The following UNKL variants were observed in gnomAD, a reference collection of about 807,000 sequenced individuals.
The protein encoded by UNKL is unk like zinc finger.
UNKL carries 60 observed loss-of-function variants against 78.0 expected under a neutral mutation model. The observed-to-expected ratio is 0.77, with a 90% confidence interval of 0.63 to 0.95. The LOEUF is 0.95. Among genes scored for constraint, UNKL ranks in the 40% least tolerant of loss-of-function variants. The pLI, the probability that UNKL is intolerant of heterozygous loss-of-function variation, is 0.00. For synonymous variants in UNKL, 608 were observed against 474.8 expected (o/e 1.28, Z -3.65); for missense variants, 1,159 against 1,045.7 (o/e 1.11, Z -1.49).
At position 1,367,691 on chromosome 16, in the gene UNKL, G is replaced by T. The variant is rs757213369; in HGVS notation, c.1753C>A (p.Arg585=). 1 of 1,580,218 alleles carries T rather than the reference G, an allele frequency of 6.3e-7. No individual in the cohort carries two copies. Among genetic ancestry groups the T allele is most frequent in the Non-Finnish European group, 8.6e-7 (1 of 1,164,370 alleles). ...RQLDEAKRKI[R]QWEESWQQVK... ...TGCTGCCAGGACTCCTCCCACTGCCGGATCTTCCTCTTGGCCTCGTCCAGC... is the reference window on the plus strand; with the variant it reads ...TGCTGCCAGGACTCCTCCCACTGCCTGATCTTCCTCTTGGCCTCGTCCAGC... Residue 585 remains arginine, a synonymous_variant, in exon 13 of 15, where the codon CGG becomes AGG. Coordinates refer to ENST00000389221, the MANE Select transcript of UNKL (RefSeq NM_001372107.1).
At chr16:1,393,973 C>T (rs747918062) in intron 7 of UNKL, among the ~76,000 whole-genome samples, 158 bp downstream of exon 7, 34 of 152,354 alleles carry the variant, frequency 2.2e-4, no homozygotes, top group African/African-American at 6.7e-4. Context: ...GGAGCCTCCA[C>T]GGGCATGTCA....
chr16:1,384,103 G>A (rs1456832821), intron 10 of UNKL, among the ~76,000 whole-genome samples: 1 of 152,116 alleles, frequency 6.6e-6, no homozygotes, highest in African/African-American at 2.4e-5. Context: ...GCAGGTTTGG[G>A]TCCCTTGGGC....
chr16:1,367,756 G>T lies in UNKL; in HGVS notation c.1688C>A (p.Ala563Glu). The change falls in exon 13 of 15, where the codon GCA (alanine) becomes GAA (glutamate). Residue 563 changes from alanine to glutamate, a missense_variant. Coordinates refer to ENST00000389221, the MANE Select transcript of UNKL (RefSeq NM_001372107.1). ...LSAGPPSSSSASPNGAELARV... is the reference protein window; with the variant it reads ...LSAGPPSSSSESPNGAELARV... Reference sequence around the variant, plus strand: ...GGCCAGCTCAGCTCCGTTTGGACTTGCACTCGAAGAGGATGGGGGGCCGGC... The same window carrying T: ...GGCCAGCTCAGCTCCGTTTGGACTTTCACTCGAAGAGGATGGGGGGCCGGC... 6.3e-7 allele frequency: 1 copy of T among 1,575,130 alleles called. No homozygotes were observed. Among genetic ancestry groups the T allele is most frequent in the South Asian group, 1.2e-5 (1 of 85,494 alleles).
intron 12 of UNKL, 134 bp downstream of exon 12, chr16:1,369,993 GAGC>G (rs2035663384): frequency 2.6e-6 from 4 of 1,551,088 alleles, no homozygotes; most frequent in Non-Finnish European, 3.5e-6. Flanking sequence ...GGGAACCTGT[GAGC>G]AGCAGGTCAT....
At chr16:1,397,042 C>G (rs1346072448) in intron 6 of UNKL, 136 bp downstream of exon 6, 1 of 938,470 alleles carries the variant, frequency 1.1e-6, no homozygotes, top group East Asian at 2.7e-5. Flanking sequence ...GCCTCCACCC[C>G]CAGGCTTCCC....
chr16:1,398,893 G>A lies in UNKL; in HGVS notation c.734+481C>T, dbSNP rs552700647. ...GCACCCTGGGCAGGGCGACCCTTGG[G>A]TTGTTGGCCCTGGGACTCAGCCTAA... On this transcript the variant is annotated intron_variant, in intron 5 of 14. Transcript: ENST00000389221. 12 of 1,573,064 alleles carry A rather than the reference G, an allele frequency of 7.6e-6. No individual in the cohort carries two copies. In the South Asian group the frequency reaches 9.3e-5, roughly 12 times the overall value.
At chr16:1,405,984 A>C (rs2037741847) in intron 2 of UNKL, 1 of 456,610 alleles carries the variant, frequency 2.2e-6, no homozygotes, top group Admixed American at 2.3e-5. Flanking sequence ...ATCACCTAGG[A>C]GGCCCGTGGC....
intron 4 of UNKL, 36 bp downstream of exon 4, chr16:1,401,532 C>T (rs373842487): frequency 1.3e-6 from 2 of 1,488,216 alleles, no homozygotes; most frequent in Middle Eastern, 1.9e-4. Flanking sequence ...TGCCCGCCCC[C>T]CCCACCACCG....
intron 12 of UNKL, among the ~76,000 whole-genome samples, chr16:1,369,512 G>A (rs2035607701): frequency 1.3e-5 from 2 of 152,112 alleles, no homozygotes; most frequent in African/African-American, 4.8e-5. Flanking sequence ...TGGGGTTACA[G>A]GCATGCACCA....
chr16:1,379,796 G>T (rs1040999470), intron 10 of UNKL: 3 of 758,578 alleles, frequency 4.0e-6, no homozygotes, highest in Non-Finnish European at 4.8e-6. Context: ...CCTTCCCCCC[G>T]ACTCGGGCGC....
intron 4 of UNKL, 61 bp downstream of exon 4, chr16:1,401,507 G>T (rs1283300195): frequency 1.4e-6 from 2 of 1,426,462 alleles, no homozygotes; most frequent in Non-Finnish European, 1.9e-6. Flanking sequence ...AGTGGCCCGA[G>T]CTGTTCTCGC....
chr16:1,380,183 G>A (rs1377703229), intron 10 of UNKL, among the ~76,000 whole-genome samples: 1 of 152,238 alleles, frequency 6.6e-6, no homozygotes, highest in Non-Finnish European at 1.5e-5. Context: ...GGTCTGAAAT[G>A]ATCCCACTAA....
chr16:1,405,935 C>T (rs770627764), intron 2 of UNKL: 45 of 456,542 alleles, frequency 9.9e-5, no homozygotes, highest in African/African-American at 8.8e-4. Flanking sequence ...ACCAGACCCC[C>T]TTAACACATT....
chr16:1,370,946 G>T (rs1314013929), intron 11 of UNKL, among the ~76,000 whole-genome samples: 4 of 152,068 alleles, frequency 2.6e-5, no homozygotes, highest in Admixed American at 2.6e-4. Context: ...AGCTGGGCGT[G>T]GTGGCGGGCA....
intron 9 of UNKL, among the ~76,000 whole-genome samples, chr16:1,388,493 T>C (rs1248753046): frequency 6.6e-6 from 1 of 152,126 alleles, no homozygotes; most frequent in Admixed American, 6.5e-5. Context: ...GCCTCAGCCC[T>C]GAGTGACCCC....
intron 6 of UNKL, among the ~76,000 whole-genome samples, chr16:1,396,054 C>T (rs1049843108): frequency 2.6e-5 from 4 of 151,916 alleles, no homozygotes; most frequent in African/African-American, 4.8e-5. Context: ...GTGATCCTCG[C>T]GCCTCAGCCT....
At position 1,414,055 on chromosome 16, in the gene UNKL, C is replaced by T; in HGVS notation, c.78G>A (p.Arg26=). 2 of 1,532,546 alleles carry T rather than the reference C, an allele frequency of 1.3e-6. No individual in the cohort carries two copies. Among genetic ancestry groups the T allele is most frequent in the Middle Eastern group, 2.0e-4 (1 of 5,030 alleles). 94.9% of individuals were successfully genotyped at this position (1,532,546 alleles called of 1,614,324 possible). A position where few individuals can be genotyped will look rare whatever the true frequency, so the allele number is the denominator to read the frequency against. The part of the protein sequence containing the change: ...PPQTEKPTHY[R]YLKEFRTEQC... The stretch of plus-strand genomic sequence containing the variant: ...GCTCCGTCCTGAACTCCTTCAGGTA[C>T]CTACAAACACAGACAGCGCCGCGGC... The change falls in exon 2 of 15, where the codon AGG becomes AGA. Residue 26 remains arginine (R), a splice_region_variant and synonymous_variant. Transcript: ENST00000389221.
intron 6 of UNKL, chr16:1,394,593 G>A (rs2037181872): frequency 4.5e-6 from 2 of 445,936 alleles, no homozygotes; most frequent in Middle Eastern, 3.3e-4. Context: ...CAGACCCACT[G>A]ACCCTTCACC....
chr16:1,395,274 T>C (rs2037214470), intron 6 of UNKL, among the ~76,000 whole-genome samples: 1 of 151,098 alleles, frequency 6.6e-6, no homozygotes, highest in Non-Finnish European at 1.5e-5. Context: ...TTCAAGCAAT[T>C]CTCCTGCCTC....
Sources: allele counts gnomAD v4.1 joint callset (sites outside exome capture counted in the v4.1 genomes callset), GRCh38; gene constraint gnomAD v4.1.1; transcripts MANE v1.5; gene names NCBI Gene and HGNC (gene_info 2026-07-23, HGNC 2026-07-21).